Variants in NDUFV2 observed in about 807,000 individuals in gnomAD.
NDUFV2 encodes the protein NADH:ubiquinone oxidoreductase core subunit V2, also known as NADH dehydrogenase [ubiquinone] flavoprotein 2, mitochondrial.
Under a neutral mutation model 31.6 loss-of-function variants are expected in NDUFV2, and 18 were observed. That is an observed-to-expected ratio of 0.57 (90% CI 0.39 to 0.84). The LOEUF is 0.84. Among genes scored for constraint, NDUFV2 ranks in the 40% least tolerant of loss-of-function variants. The pLI is 0.00. For synonymous variants in NDUFV2, 83 were observed against 99.8 expected (o/e 0.83, Z 1.01); for missense variants, 314 against 303.6 (o/e 1.03, Z -0.26).
intron 1 of NDUFV2, among the ~76,000 whole-genome samples, chr18:9,112,057 C>T (rs1032268352): frequency 3.0e-5 from 4 of 131,358 alleles, no homozygotes; most frequent in South Asian, 2.4e-4. Flanking sequence ...CTCGCTCTGT[C>T]GCCCAGGCAG....
intron 6 of NDUFV2, 120 bp from the exon 7 acceptor site, chr18:9,126,711 G>T (rs138342784): frequency 1.2e-6 from 1 of 840,582 alleles, no homozygotes; most frequent in Non-Finnish European, 2.0e-6. Flanking sequence ...GAGGTAGGAG[G>T]ATTGCTTAAG....
At chr18:9,119,930 A>G (rs958028189) in intron 4 of NDUFV2, among the ~76,000 whole-genome samples, 1 of 152,196 alleles carries the variant, frequency 6.6e-6, no homozygotes, top group Non-Finnish European at 1.5e-5. Context: ...TTTAAACACT[A>G]GAATTACAGA....
chr18:9,121,093 T>G (rs1325829426), intron 4 of NDUFV2, among the ~76,000 whole-genome samples: 1 of 152,056 alleles, frequency 6.6e-6, no homozygotes, highest in Non-Finnish European at 1.5e-5. Context: ...AAATATGTAT[T>G]TATATATTGT....
In NDUFV2 at chr18:9,123,180, C is replaced by A. The variant is rs137965746; in HGVS notation, c.469+499C>A. 6.2e-3 allele frequency among the ~76,000 whole-genome samples: 951 copies of A among 152,206 alleles called. 10 individuals are homozygous for A. The highest frequency in any genetic ancestry group is 0.021 in the African/African-American group (892 of 41,536). Reference sequence around the variant, plus strand: ...AAAAGTAAATGGGCATTTTCCCCTACAAAACTGCCATTGCTACACTTCTAA... The same window carrying A: ...AAAAGTAAATGGGCATTTTCCCCTAAAAAACTGCCATTGCTACACTTCTAA... On this transcript the variant is annotated intron_variant, in intron 5 of 7. Coordinates refer to ENST00000318388, the MANE Select transcript of NDUFV2 (RefSeq NM_021074.5).
intron 7 of NDUFV2, chr18:9,132,400 T>C (rs1568198005): frequency 6.6e-6 from 1 of 152,190 alleles, no homozygotes; most frequent in Non-Finnish European, 1.5e-5. Flanking sequence ...AGGAGACGTC[T>C]AAAATGAAAC....
chr18:9,104,901 TG>T, intron 1 of NDUFV2: 1 of 1,484,572 alleles, frequency 6.7e-7, no homozygotes, highest in Non-Finnish European at 9.1e-7. Flanking sequence ...CTTGTCAACC[TG>T]GAAATTACCA....
rs143872527 is a variant in NDUFV2, at chr18:9,112,871, A to G, written c.55-4967A>G. The G allele has an allele frequency of 5.9e-5, 9 of 152,370 alleles. No individual in the cohort carries two copies. In the East Asian group the frequency reaches 1.7e-3, roughly 29 times the overall value. The allele number at this position is 152,370 out of a possible 1,614,324, so 9.4% of individuals were successfully genotyped here. ...CAAGGCTACATATTATAGTATATAT[A>G]CATAACAGTACAGAGTAGGGATACA... On this transcript the variant is annotated intron_variant, in intron 1 of 7. Transcript: ENST00000318388.
intron 1 of NDUFV2, among the ~76,000 whole-genome samples, chr18:9,116,898 GC>G (rs1188382159): frequency 3.3e-5 from 5 of 152,128 alleles, no homozygotes; most frequent in Non-Finnish European, 7.4e-5. Flanking sequence ...ATACTTGGGG[GC>G]GGGGGACAGG....
intron 1 of NDUFV2, among the ~76,000 whole-genome samples, chr18:9,108,828 T>G (rs879784791): frequency 2.0e-5 from 3 of 151,856 alleles, no homozygotes; most frequent in Non-Finnish European, 4.4e-5. Flanking sequence ...GTAGCTGGGA[T>G]TAAAGGTGCG....
intron 4 of NDUFV2, among the ~76,000 whole-genome samples, chr18:9,120,474 C>G (rs1240348016): frequency 1.3e-5 from 2 of 152,160 alleles, no homozygotes; most frequent in African/African-American, 4.8e-5. Context: ...TTCTACTTGA[C>G]TGACTATAAC....
At chr18:9,129,230 C>T (rs2078019288) in intron 7 of NDUFV2, among the ~76,000 whole-genome samples, 1 of 152,116 alleles carries the variant, frequency 6.6e-6, no homozygotes, top group Non-Finnish European at 1.5e-5. Flanking sequence ...CTTGAGCCAC[C>T]ACGCCCGGCC....
chr18:9,128,528 T>C (rs1415807107), intron 7 of NDUFV2, among the ~76,000 whole-genome samples: 2 of 152,144 alleles, frequency 1.3e-5, no homozygotes, highest in East Asian at 3.9e-4. Flanking sequence ...GGTATACCCC[T>C]TTTTTTAGGA....
At chr18:9,104,437 C>CT (rs2077831047) in intron 1 of NDUFV2, among the ~76,000 whole-genome samples, 1 of 152,044 alleles carries the variant, frequency 6.6e-6, no homozygotes, top group East Asian at 1.9e-4. Flanking sequence ...AACAGGGAGA[C>CT]TAAGTAGATA....
In NDUFV2 at chr18:9,119,372, C is replaced by T. The variant is rs765897035; in HGVS notation, c.167C>T (p.Thr56Ile). 4.3e-6 allele frequency: 7 copies of T among 1,612,058 alleles called. No homozygotes were observed. Among genetic ancestry groups the T allele is most frequent in the Non-Finnish European group, 5.9e-6 (7 of 1,178,356 alleles). Residue 56 changes from threonine to isoleucine, a missense_variant, in exon 3 of 8, where the codon ACA becomes ATA. Transcript: ENST00000318388. ...ENNPDTPFDF[T>I]PENYKRIEAI... The stretch of plus-strand genomic sequence containing the variant: ...AACCCTGATACTCCATTTGATTTCA[C>T]ACCAGAAAACTATAAGGTATGGCTA...
chr18:9,106,255 C>G (rs1237482232), intron 1 of NDUFV2, among the ~76,000 whole-genome samples: 2 of 152,214 alleles, frequency 1.3e-5, no homozygotes, highest in African/African-American at 4.8e-5. Context: ...TCCAAACTCT[C>G]ACTGAGGCCT....
intron 2 of NDUFV2, among the ~76,000 whole-genome samples, chr18:9,119,095 T>C (rs371439671): frequency 4.8e-4 from 73 of 152,290 alleles, no homozygotes; most frequent in African/African-American, 1.6e-3. Flanking sequence ...GTACTTCTCT[T>C]ATTCTTTAAA....
At chr18:9,109,412 T>G (rs975666124) in intron 1 of NDUFV2, among the ~76,000 whole-genome samples, 3 of 152,240 alleles carry the variant, frequency 2.0e-5, no homozygotes, top group Non-Finnish European at 4.4e-5. Flanking sequence ...TATTAACTTC[T>G]CTTAGCTGGA....
At chr18:9,129,886 T>C (rs2078024827) in intron 7 of NDUFV2, among the ~76,000 whole-genome samples, 1 of 152,202 alleles carries the variant, frequency 6.6e-6, no homozygotes, top group Non-Finnish European at 1.5e-5. Flanking sequence ...AATACTGCCA[T>C]AGTTGCTATG....
intron 1 of NDUFV2, among the ~76,000 whole-genome samples, chr18:9,116,638 TTTC>T (rs2077899599): frequency 6.6e-6 from 1 of 152,238 alleles, no homozygotes; most frequent in South Asian, 2.1e-4. Flanking sequence ...ACCTTAGTCT[TTTC>T]TTGTTAATTA....
Sources: allele counts gnomAD v4.1 joint callset (sites outside exome capture counted in the v4.1 genomes callset), GRCh38; gene constraint gnomAD v4.1.1; transcripts MANE v1.5; gene names NCBI Gene and HGNC (gene_info 2026-07-23, HGNC 2026-07-21).